Variants in MAD1L1 observed in about 807,000 individuals in gnomAD.
MAD1L1 encodes mitotic spindle assembly checkpoint protein MAD1.
A neutral mutation model predicts 96.9 loss-of-function variants in MAD1L1; 95 were observed. The observed-to-expected ratio is 0.98, with a 90% CI of 0.83 to 1.16. The LOEUF (loss-of-function observed/expected upper bound fraction) is 1.16, where lower values mean the gene tolerates loss of function less well. Among genes scored for constraint, MAD1L1 ranks in the 50% most tolerant of loss-of-function variants. The pLI is 0.00. For synonymous variants in MAD1L1, 473 were observed against 396.6 expected (o/e 1.19, Z -2.29); for missense variants, 1,007 against 954.4 (o/e 1.06, Z -0.73).
intron 16 of MAD1L1, among the ~76,000 whole-genome samples, chr7:1,952,570 G>A (rs879905430): frequency 6.8e-5 from 4 of 58,438 alleles, no homozygotes; most frequent in Non-Finnish European, 2.0e-4. Flanking sequence ...TTAGAGCAGC[G>A]CCTGGCACAG....
In MAD1L1 at chr7:2,180,691, G is replaced by A. The variant is rs551078817; in HGVS notation, c.987-31453C>T. 7.9e-5 allele frequency among the ~76,000 whole-genome samples: 12 copies of A among 152,190 alleles called. No individual in the cohort carries two copies. The East Asian group carries it at 9.6e-4, about 12-fold the overall frequency. On this transcript the variant is annotated intron_variant, in intron 10 of 18. Coordinates refer to ENST00000265854, the MANE Select transcript of MAD1L1 (RefSeq NM_001013836.2). ...TGTTGTCAGATTGTTCACTGCTAACGTATAATATTAAACATTATCTTATAT... is the reference window on the plus strand; with the variant it reads ...TGTTGTCAGATTGTTCACTGCTAACATATAATATTAAACATTATCTTATAT...
intron 14 of MAD1L1, among the ~76,000 whole-genome samples, chr7:1,992,529 G>A (rs1434762010): frequency 6.6e-6 from 1 of 152,246 alleles, no homozygotes; most frequent in African/African-American, 2.4e-5. Flanking sequence ...AAGAGCCCCT[G>A]CTTAGAAACA....
chr7:1,912,942 G>C (rs150851884), intron 17 of MAD1L1, among the ~76,000 whole-genome samples: 1 of 151,784 alleles, frequency 6.6e-6, no homozygotes, highest in Non-Finnish European at 1.5e-5. Context: ...TTTGCATGCC[G>C]CGTTCATGAT....
intron 18 of MAD1L1, among the ~76,000 whole-genome samples, chr7:1,877,488 A>T (rs1785444015): frequency 6.6e-6 from 1 of 151,934 alleles, no homozygotes; most frequent in Admixed American, 6.6e-5. Flanking sequence ...AGAGGCAAGA[A>T]AAATGAAAAA....
chr7:2,044,820 C>T (rs1783847753), intron 12 of MAD1L1, among the ~76,000 whole-genome samples: 1 of 152,144 alleles, frequency 6.6e-6, no homozygotes, highest in Admixed American at 6.5e-5. Flanking sequence ...ATGGCGTAGT[C>T]CCCCGGGGCG....
intron 12 of MAD1L1, among the ~76,000 whole-genome samples, chr7:2,067,017 A>T (rs1035450683): frequency 2.0e-5 from 3 of 152,184 alleles, no homozygotes; most frequent in Non-Finnish European, 4.4e-5. Flanking sequence ...CCAGGCCAAG[A>T]CCCAGGCCAC....
intron 18 of MAD1L1, among the ~76,000 whole-genome samples, chr7:1,819,526 G>A (rs1782015597): frequency 6.6e-6 from 1 of 152,226 alleles, no homozygotes; most frequent in Non-Finnish European, 1.5e-5. Context: ...GGGGACCTCT[G>A]CAGCATGTCC....
intron 18 of MAD1L1, among the ~76,000 whole-genome samples, chr7:1,824,742 G>A (rs1016404803): frequency 6.6e-6 from 1 of 152,180 alleles, no homozygotes; most frequent in Non-Finnish European, 1.5e-5. Flanking sequence ...CAAAGCCAGC[G>A]AAGGGGAGAT....
At position 1,865,407 on chromosome 7, in the gene MAD1L1, C is replaced by G. The variant is rs946687157; in HGVS notation, c.1998+32793G>C. Reference sequence around the variant, plus strand: ...CCGGGGCATCCCAGCCCTGCTGCTGCCCGGCTGTAGCCCTGAGTGCCCACA... The same window carrying G: ...CCGGGGCATCCCAGCCCTGCTGCTGGCCGGCTGTAGCCCTGAGTGCCCACA... On this transcript the variant is annotated intron_variant, in intron 18 of 18. Transcript: ENST00000265854. Among the ~76,000 whole-genome samples, 8 of 152,378 alleles carry G rather than the reference C, an allele frequency of 5.3e-5. No homozygotes were observed. In the South Asian group the frequency reaches 8.3e-4, roughly 16 times the overall value.
chr7:2,118,423 G>T (rs1461614479), intron 11 of MAD1L1, among the ~76,000 whole-genome samples: 1 of 152,262 alleles, frequency 6.6e-6, no homozygotes, highest in African/African-American at 2.4e-5. Flanking sequence ...CAGGAGGTCA[G>T]CCCTGAGTGG....
intron 11 of MAD1L1, chr7:2,080,055 A>G: frequency 4.1e-6 from 1 of 241,774 alleles, no homozygotes; most frequent in Non-Finnish European, 8.2e-6. Flanking sequence ...CCTAATGCAC[A>G]GGACAGAAGC....
chr7:1,986,017 T>C (rs1415481633), intron 14 of MAD1L1, among the ~76,000 whole-genome samples: 4 of 152,234 alleles, frequency 2.6e-5, no homozygotes, highest in Non-Finnish European at 5.9e-5. Context: ...GTTCTTTTTC[T>C]CCTTTGCTCT....
At chr7:1,857,014 G>A (rs1784291322) in intron 18 of MAD1L1, among the ~76,000 whole-genome samples, 1 of 151,010 alleles carries the variant, frequency 6.6e-6, no homozygotes, top group Non-Finnish European at 1.5e-5. Context: ...CACGCCTCCT[G>A]CCAACCCTCC....
In MAD1L1 at chr7:1,957,705, T is replaced by C. The variant is rs753283006; in HGVS notation, c.1520A>G (p.Glu507Gly). ...EADTLRLKVE[E>G]LEGERSRLEE... ...CAGCCGACTCCGCTCGCCTTCCAGC[T>C]CCTCGACCTTCAACCTGCAAGGACA... The change falls in exon 16 of 19, where the codon GAG (glutamate) becomes GGG (glycine). Residue 507 changes from glutamate to glycine, a missense_variant. Coordinates refer to ENST00000265854, the MANE Select transcript of MAD1L1 (RefSeq NM_001013836.2). The C allele has an allele frequency of 6.2e-7, 1 of 1,613,988 alleles. No homozygotes were observed. Among genetic ancestry groups the C allele is most frequent in the African/African-American group, 1.3e-5 (1 of 74,916 alleles).
At chr7:2,168,319 A>T (rs1369691007) in intron 10 of MAD1L1, among the ~76,000 whole-genome samples, 1 of 152,230 alleles carries the variant, frequency 6.6e-6, no homozygotes, top group African/African-American at 2.4e-5. Flanking sequence ...TTGAAAATCA[A>T]GTAAATCTGG....
intron 10 of MAD1L1, among the ~76,000 whole-genome samples, chr7:2,198,563 C>T (rs1389880101): frequency 2.6e-5 from 4 of 152,228 alleles, no homozygotes; most frequent in Non-Finnish European, 4.4e-5. Context: ...TCGCGCTCTG[C>T]GGCACGAGGC....
At chr7:2,086,542 A>G (rs1490378271) in intron 11 of MAD1L1, among the ~76,000 whole-genome samples, 2 of 152,112 alleles carry the variant, frequency 1.3e-5, no homozygotes, top group Non-Finnish European at 2.9e-5. Context: ...GCCAGCCACA[A>G]TTGCTCTTTT....
At chr7:2,100,327 C>T (rs1449425883) in intron 11 of MAD1L1, among the ~76,000 whole-genome samples, 3 of 152,252 alleles carry the variant, frequency 2.0e-5, no homozygotes, top group South Asian at 4.1e-4. Flanking sequence ...GCAGAAAGCA[C>T]GGCCTTTTGA....
intron 10 of MAD1L1, among the ~76,000 whole-genome samples, chr7:2,171,744 T>A (rs896657130): frequency 6.6e-6 from 1 of 151,306 alleles, no homozygotes; most frequent in Non-Finnish European, 1.5e-5. Flanking sequence ...CACATATGGG[T>A]CACCTCCGCC....
Sources: gnomAD v4.1 joint callset for allele counts (sites outside exome capture counted in the v4.1 genomes callset) on GRCh38, gnomAD v4.1.1 for gene constraint, MANE v1.5 for transcripts, NCBI Gene and HGNC (gene_info 2026-07-23, HGNC 2026-07-21) for gene names.